The following TIMELESS variants were observed in gnomAD, a reference collection of about 807,000 sequenced individuals.
The protein encoded by TIMELESS is timeless circadian regulator, also known as protein timeless homolog.
In TIMELESS, 124 loss-of-function variants were observed where a neutral mutation model predicts 164.3. The observed-to-expected ratio is 0.75, with a 90% CI of 0.65 to 0.88. TIMELESS has a LOEUF of 0.88. TIMELESS is among the 40% of genes least tolerant of loss of function. The pLI, the probability that TIMELESS is intolerant of heterozygous loss-of-function variation, is 0.00. For missense variants in TIMELESS, 1,422 were observed against 1,491.4 expected (o/e 0.95, Z 0.77); for synonymous variants, 564 against 563.4 (o/e 1.00, Z -0.02).
At chr12:56,418,465 G>T in intron 26 of TIMELESS, 106 bp from the exon 27 acceptor site, 1 of 763,584 alleles carries the variant, frequency 1.3e-6, no homozygotes, top group Non-Finnish European at 2.1e-6. Context: ...ATCCACAAGG[G>T]TTGTGAACTC....
intron 15 of TIMELESS, 136 bp downstream of exon 15, chr12:56,424,626 G>T: frequency 3.0e-6 from 3 of 991,530 alleles, no homozygotes; most frequent in Non-Finnish European, 4.1e-6. Context: ...CAATCAAAAC[G>T]CCCCAGGAGT....
chr12:56,420,006 CAAAAAAAA>C (rs57647901), intron 26 of TIMELESS, among the ~76,000 whole-genome samples: 1 of 13,288 alleles, frequency 7.5e-5, no homozygotes, highest in East Asian at 4.1e-3. Context: ...GACTCTGTCT[CAAAAAAAA>C]AAAAAAAAAA....
intron 18 of TIMELESS, 27 bp from the exon 19 acceptor site, chr12:56,423,019 G>A: frequency 6.2e-7 from 1 of 1,608,264 alleles, no homozygotes; most frequent in Non-Finnish European, 8.5e-7. Flanking sequence ...TTACTATGAG[G>A]CCTCTCTGGT....
chr12:56,420,840 G>A lies in TIMELESS; in HGVS notation c.3082C>T (p.Arg1028Ter), dbSNP rs372449809. 48 of 1,614,046 alleles carry A rather than the reference G, an allele frequency of 3.0e-5. No individual in the cohort carries two copies. Among genetic ancestry groups the A allele is most frequent in the Non-Finnish European group, 3.6e-5 (42 of 1,180,044 alleles). Reference protein sequence around the residue: ...PLLWLQNCLIRAADDREEDGC... With the variant: ...PLLWLQNCLI ...TCCTCTTCCCGATCATCAGCTGCTC[G>A]GATCAGGCAGTTCTGGAGCCATAGG... The change falls in exon 25 of 29, where the codon CGA becomes TGA. Residue 1028 changes from arginine (R) to a stop codon, truncating the protein, a stop_gained. Transcript: ENST00000553532. LOFTEE classifies it high-confidence loss of function.
chr12:56,443,985 C>T (rs908788023), intron 1 of TIMELESS, among the ~76,000 whole-genome samples: 6 of 151,476 alleles, frequency 4.0e-5, no homozygotes, highest in African/African-American at 1.5e-4. Flanking sequence ...TGCATCTCCG[C>T]CTCCTGGGTT....
intron 1 of TIMELESS, among the ~76,000 whole-genome samples, chr12:56,445,376 C>T (rs540666509): frequency 1.7e-4 from 23 of 131,466 alleles, no homozygotes; most frequent in Admixed American, 1.0e-3. Flanking sequence ...GAGCCGAGAT[C>T]GCACCATTGC....
chr12:56,425,430 C>T (rs1458909604), intron 13 of TIMELESS, among the ~76,000 whole-genome samples: 2 of 152,206 alleles, frequency 1.3e-5, no homozygotes, highest in African/African-American at 4.8e-5. Context: ...AAACTCCTGA[C>T]CCATTTCCTG....
In TIMELESS at chr12:56,434,044, T is replaced by C. The variant is rs369593186; in HGVS notation, c.97+30A>G. 2.3e-5 allele frequency: 37 copies of C among 1,613,106 alleles called. No homozygotes were observed. In the Admixed American group the frequency reaches 2.7e-4, roughly 12 times the overall value. ...CAGACCTCCTTAATTCAAGCCAATT[T>C]TTTTCCTGTTTCATCAAAAAGGTAC... is the stretch of plus-strand genomic sequence containing the variant. On this transcript the variant is annotated intron_variant, in intron 2 of 28. Transcript: ENST00000553532.
At chr12:56,446,276 G>A (rs184997242) in intron 1 of TIMELESS, among the ~76,000 whole-genome samples, 1 of 152,246 alleles carries the variant, frequency 6.6e-6, no homozygotes, top group East Asian at 1.9e-4. Flanking sequence ...CACTTCAATG[G>A]ATACATAAGA....
chr12:56,436,312 G>C (rs1223782486), intron 1 of TIMELESS, among the ~76,000 whole-genome samples: 1 of 151,986 alleles, frequency 6.6e-6, no homozygotes, highest in Non-Finnish European at 1.5e-5. Flanking sequence ...AAATTAGCTG[G>C]GTGTGGTGGT....
Position 56,417,509 on chromosome 12 carries a change from C to T in TIMELESS, c.*207G>A, listed in dbSNP as rs1174086613. On this transcript the variant is annotated 3_prime_UTR_variant, in exon 29 of 29. Transcript: ENST00000553532. ...TCTCCAGAGAGCTGCTGGGGCATACCGATAAAAACTGGGAGAAACAAAGAC... is the reference window on the plus strand; with the variant it reads ...TCTCCAGAGAGCTGCTGGGGCATACTGATAAAAACTGGGAGAAACAAAGAC... The T allele has an allele frequency of 1.9e-5, 11 of 565,030 alleles. No homozygotes were observed. Among genetic ancestry groups the T allele is most frequent in the African/African-American group, 3.8e-5 (2 of 53,182 alleles). 35.0% of individuals were successfully genotyped at this position (565,030 alleles called of 1,614,324 possible).
intron 7 of TIMELESS, 137 bp downstream of exon 7, chr12:56,432,232 C>T: frequency 1.0e-6 from 1 of 1,000,826 alleles, no homozygotes; most frequent in East Asian, 2.5e-5. Flanking sequence ...GGGGGTACTA[C>T]TGAACTCAAG....
intron 26 of TIMELESS, among the ~76,000 whole-genome samples, chr12:56,420,178 G>C (rs1392994136): frequency 6.6e-6 from 1 of 150,454 alleles, no homozygotes; most frequent in Non-Finnish European, 1.5e-5. Context: ...ATCTAGAAAT[G>C]ACGAAGTATA....
chr12:56,431,815 C>T (rs1000898981), intron 7 of TIMELESS, among the ~76,000 whole-genome samples: 1 of 150,956 alleles, frequency 6.6e-6, no homozygotes, highest in Admixed American at 6.6e-5. Context: ...TGTATATATT[C>T]ATATATACAT....
At chr12:56,435,957 T>TAAA (rs1565686644) in intron 1 of TIMELESS, among the ~76,000 whole-genome samples, 2 of 86,454 alleles carry the variant, frequency 2.3e-5, no homozygotes, top group African/African-American at 3.6e-5. Flanking sequence ...AGACTCCGTC[T>TAAA]TAAAAAAAAA....
chr12:56,440,279 C>T (rs1048970112), intron 1 of TIMELESS, among the ~76,000 whole-genome samples: 2 of 151,942 alleles, frequency 1.3e-5, no homozygotes, highest in African/African-American at 4.8e-5. Context: ...GCTGGGACTA[C>T]AGGCACGCGC....
intron 1 of TIMELESS, among the ~76,000 whole-genome samples, chr12:56,435,329 T>A (rs1006865873): frequency 1.3e-5 from 2 of 151,082 alleles, no homozygotes; most frequent in African/African-American, 2.4e-5. Context: ...ACATTCCCTA[T>A]CACTATCTCC....
chr12:56,421,250 G>C (rs1881473391), intron 23 of TIMELESS, 101 bp downstream of exon 23: 1 of 1,583,132 alleles, frequency 6.3e-7, no homozygotes, highest in African/African-American at 1.3e-5. Context: ...GAAGGACCTG[G>C]TCAGAACAGC....
rs940068107 is a variant in TIMELESS, at chr12:56,433,878, C to T, written c.146G>A (p.Arg49Gln). The change falls in exon 3 of 29, where the codon CGA (arginine) becomes CAA (glutamine). Residue 49 changes from arginine (R) to glutamine (Q), a missense_variant. By Grantham distance (43) the Arg-to-Gln change is conservative. Coordinates refer to ENST00000553532, the MANE Select transcript of TIMELESS (RefSeq NM_003920.5). Reference sequence around the variant, plus strand: ...TGCCCCCAGCTGCTGCCGCACATCTCGTGTCTCATCCTCATGCCTCAAATA... The same window carrying T: ...TGCCCCCAGCTGCTGCCGCACATCTTGTGTCTCATCCTCATGCCTCAAATA... ...IRYLRHEDET[R>Q]DVRQQLGAAQ... 1.2e-5 allele frequency: 20 copies of T among 1,614,016 alleles called. No homozygotes were observed. The highest frequency in any genetic ancestry group is 1.4e-5 in the Non-Finnish European group (17 of 1,180,034).
Sources: gnomAD v4.1 joint callset for allele counts (sites outside exome capture counted in the v4.1 genomes callset) on GRCh38, gnomAD v4.1.1 for gene constraint, MANE v1.5 for transcripts, NCBI Gene and HGNC (gene_info 2026-07-23, HGNC 2026-07-21) for gene names.